The following KIAA1328 variants were observed in gnomAD, a reference collection of about 807,000 sequenced individuals.
KIAA1328 encodes the protein protein hinderin.
Under a neutral mutation model 68.1 loss-of-function variants are expected in KIAA1328, and 52 were observed. That is an observed-to-expected ratio of 0.76 (90% confidence interval 0.61 to 0.96). The LOEUF is 0.96. KIAA1328 is among the 40% of genes least tolerant of loss of function. The pLI is 0.00. For missense variants in KIAA1328, 641 were observed against 677.6 expected (o/e 0.95, Z 0.60); for synonymous variants, 232 against 239.4 (o/e 0.97, Z 0.28).
chr18:36,964,304 A>C (rs2051823083), intron 6 of KIAA1328, among the ~76,000 whole-genome samples: 2 of 152,328 alleles, frequency 1.3e-5, no homozygotes, highest in African/African-American at 2.4e-5. Flanking sequence ...ACAATGTCAG[A>C]TAAAACATAA....
intron 6 of KIAA1328, among the ~76,000 whole-genome samples, chr18:37,061,070 G>A (rs180837160): frequency 2.0e-5 from 3 of 152,242 alleles, no homozygotes; most frequent in East Asian, 1.9e-4. Flanking sequence ...AGCCAAGATC[G>A]TGCCACTGCA....
At chr18:37,096,486 A>AT (rs1438162005) in intron 7 of KIAA1328, among the ~76,000 whole-genome samples, 1 of 152,222 alleles carries the variant, frequency 6.6e-6, no homozygotes, top group African/African-American at 2.4e-5. Flanking sequence ...ATTGTTGGAC[A>AT]TTTGGATTGG....
rs188465099 is a variant in KIAA1328 at position 36,906,531 on chromosome 18, G to T, written c.448+20859G>T. Among the ~76,000 whole-genome samples, 42 of 151,920 alleles carry T rather than the reference G, an allele frequency of 2.8e-4. No individual in the cohort carries two copies. In the South Asian group the frequency reaches 2.9e-3, roughly 11 times the overall value. ...TTTTTCATTGCCTAATATTTCATTT[G>T]TTTTTAAGAGTGAATAATAGTCCAT... On this transcript the variant is annotated intron_variant, in intron 5 of 9. Coordinates refer to ENST00000280020, the MANE Select transcript of KIAA1328 (RefSeq NM_020776.3).
chr18:37,081,935 G>A (rs1010915820), intron 7 of KIAA1328, among the ~76,000 whole-genome samples: 3 of 152,044 alleles, frequency 2.0e-5, no homozygotes, highest in Admixed American at 6.5e-5. Context: ...TCCAAAATCA[G>A]CACCTTATTG....
At chr18:36,857,384 C>T (rs1412368807) in intron 4 of KIAA1328, among the ~76,000 whole-genome samples, 1 of 152,128 alleles carries the variant, frequency 6.6e-6, no homozygotes, top group Non-Finnish European at 1.5e-5. Context: ...TGGAAATCTG[C>T]TCTAGCCTGA....
intron 7 of KIAA1328, among the ~76,000 whole-genome samples, chr18:37,072,550 T>C (rs1599158283): frequency 1.3e-5 from 2 of 152,204 alleles, no homozygotes; most frequent in Admixed American, 6.5e-5. Flanking sequence ...GGAAGTTTTC[T>C]TCCTAAATTA....
chr18:36,835,310 C>G lies in KIAA1328; in HGVS notation c.171C>G (p.Ser57=). The G allele has an allele frequency of 3.7e-6, 6 of 1,613,650 alleles. No homozygotes were observed. The highest frequency in any genetic ancestry group is 5.1e-6 in the Non-Finnish European group (6 of 1,179,692). ...SPKADVKLKT[S]RVTDASISME... is the part of the protein sequence containing the mutation. Reference sequence around the variant, plus strand: ...AAGCTGATGTTAAACTTAAGACTTCCAGGGTGACTGATGCTTCAATCTCCA... The same window carrying G: ...AAGCTGATGTTAAACTTAAGACTTCGAGGGTGACTGATGCTTCAATCTCCA... The change falls in exon 3 of 10, where the codon TCC becomes TCG. Residue 57 remains serine (S), a synonymous_variant. Coordinates refer to ENST00000280020, the MANE Select transcript of KIAA1328 (RefSeq NM_020776.3).
intron 6 of KIAA1328, among the ~76,000 whole-genome samples, chr18:36,995,103 G>A (rs545150379): frequency 2.6e-5 from 4 of 151,980 alleles, no homozygotes; most frequent in South Asian, 2.1e-4. Context: ...GTTATCTCTC[G>A]CCTAGCCTCC....
chr18:36,910,660 A>C (rs1164606868), intron 5 of KIAA1328, among the ~76,000 whole-genome samples: 1 of 152,148 alleles, frequency 6.6e-6, no homozygotes, highest in African/African-American at 2.4e-5. Context: ...TTCTGTGAAG[A>C]AAGTAATTGG....
intron 7 of KIAA1328, among the ~76,000 whole-genome samples, chr18:37,114,009 C>T (rs1381281379): frequency 6.6e-6 from 1 of 152,168 alleles, no homozygotes; most frequent in Non-Finnish European, 1.5e-5. Context: ...ATTCATAAAG[C>T]AAGTCCTTAG....
intron 4 of KIAA1328, among the ~76,000 whole-genome samples, chr18:36,870,281 G>A (rs2047901790): frequency 6.6e-6 from 1 of 152,160 alleles, no homozygotes; most frequent in East Asian, 1.9e-4. Context: ...TTTTTGTCAA[G>A]TAATACTGAA....
At chr18:36,841,975 G>T in intron 3 of KIAA1328, among the ~76,000 whole-genome samples, 1 of 147,886 alleles carries the variant, frequency 6.8e-6, no homozygotes. Flanking sequence ...ATTTCTTTAT[G>T]TTGTATGTAG....
At chr18:37,051,952 G>A (rs1162734047) in intron 6 of KIAA1328, among the ~76,000 whole-genome samples, 1 of 151,534 alleles carries the variant, frequency 6.6e-6, no homozygotes, top group East Asian at 1.9e-4. Flanking sequence ...TGAGGCAGGA[G>A]AATCACTTGA....
chr18:36,896,222 C>A (rs893028441), intron 5 of KIAA1328, among the ~76,000 whole-genome samples: 1 of 152,006 alleles, frequency 6.6e-6, no homozygotes, highest in Non-Finnish European at 1.5e-5. Flanking sequence ...GGTGTTAATA[C>A]ATTTTTGAAC....
Position 36,906,810 on chromosome 18 carries a change from C to G in KIAA1328, c.448+21138C>G, listed in dbSNP as rs552138438. ...GTTTTCCAATCAGTTAGGTAAATAC[C>G]TAGGAGCATGATAGCAGAAGTGTGT... On this transcript the variant is annotated intron_variant, in intron 5 of 9. Coordinates refer to ENST00000280020, the MANE Select transcript of KIAA1328 (RefSeq NM_020776.3). 4.3e-4 allele frequency among the ~76,000 whole-genome samples: 66 copies of G among 152,100 alleles called. 1 individual carries two copies. In the South Asian group the frequency reaches 0.013, roughly 29 times the overall value.
intron 5 of KIAA1328, among the ~76,000 whole-genome samples, chr18:36,916,302 G>A (rs2049697736): frequency 1.3e-5 from 2 of 151,950 alleles, no homozygotes; most frequent in East Asian, 1.9e-4. Context: ...ATTAGATGAT[G>A]CATATTGATC....
At chr18:37,121,468 A>G (rs773102777) in intron 7 of KIAA1328, among the ~76,000 whole-genome samples, 8 of 151,904 alleles carry the variant, frequency 5.3e-5, no homozygotes, top group African/African-American at 9.7e-5. Flanking sequence ...CTATGCATCT[A>G]TCGATCTATC....
chr18:37,222,029 T>C lies in KIAA1328; in HGVS notation c.1536T>C (p.Ser512=). 6.2e-7 allele frequency: 1 copy of C among 1,613,496 alleles called. No homozygotes were observed. The highest frequency in any genetic ancestry group is 8.5e-7 in the Non-Finnish European group (1 of 1,179,624). ...ATATGTCTTACAGGTATGAGACATC[T>C]TTGTTGGATTTGGTTCAGTCTCTGA... The part of the protein sequence containing the change: ...LQHTTSRYET[S]LLDLVQSLSP... The change falls in exon 10 of 10, where the codon TCT becomes TCC. Residue 512 remains serine (S), a synonymous_variant. Coordinates refer to ENST00000280020, the MANE Select transcript of KIAA1328 (RefSeq NM_020776.3).
chr18:36,878,221 G>A (rs2048205322), intron 4 of KIAA1328, among the ~76,000 whole-genome samples: 1 of 152,106 alleles, frequency 6.6e-6, no homozygotes, highest in Non-Finnish European at 1.5e-5. Flanking sequence ...CAGGCCTGGT[G>A]GTGACAAAAT....
Sources: allele counts gnomAD v4.1 joint callset (sites outside exome capture counted in the v4.1 genomes callset), GRCh38; gene constraint gnomAD v4.1.1; transcripts MANE v1.5; gene names NCBI Gene and HGNC (gene_info 2026-07-23, HGNC 2026-07-21).